Variants in CELSR1 observed in about 807,000 individuals in gnomAD.
CELSR1 encodes cadherin EGF LAG seven-pass G-type receptor 1, also known as adhesion G protein-coupled receptor C1.
Under a neutral mutation model 249.1 loss-of-function variants are expected in CELSR1, and 110 were observed. The observed-to-expected ratio is 0.44, with a 90% CI of 0.38 to 0.52. The LOEUF is 0.52. CELSR1 is among the 20% of genes least tolerant of loss of function. The probability of loss-of-function intolerance (pLI) is 0.00; values close to 1 mark genes in which losing one functional copy is unlikely to be tolerated. For missense variants in CELSR1, 4,109 were observed against 4,296.4 expected (o/e 0.96, Z 1.22); for synonymous variants, 2,113 against 1,900.0 (o/e 1.11, Z -2.92).
chr22:46,492,535 C>T (rs1225902216), intron 1 of CELSR1, among the ~76,000 whole-genome samples: 9 of 152,092 alleles, frequency 5.9e-5, no homozygotes, highest in Non-Finnish European at 1.5e-5. Context: ...TAGAAACAGG[C>T]TCTTGGGGCC....
chr22:46,432,459 G>T (rs535792332), intron 5 of CELSR1, among the ~76,000 whole-genome samples: 16 of 152,200 alleles, frequency 1.1e-4, no homozygotes, highest in African/African-American at 3.6e-4. Context: ...GGGCACAGCG[G>T]GGGTGGCCAG....
At chr22:46,486,015 G>A (rs2080309966) in intron 1 of CELSR1, among the ~76,000 whole-genome samples, 1 of 141,802 alleles carries the variant, frequency 7.1e-6, no homozygotes, top group African/African-American at 2.7e-5. Context: ...TCGGCTCACT[G>A]CAAGCTCCAC....
chr22:46,392,175 T>C (rs1302788991), intron 14 of CELSR1, among the ~76,000 whole-genome samples: 1 of 152,240 alleles, frequency 6.6e-6, no homozygotes, highest in Non-Finnish European at 1.5e-5. Context: ...TTTGAAAAAT[T>C]AGAAGCCACC....
intron 1 of CELSR1, among the ~76,000 whole-genome samples, chr22:46,480,124 T>A (rs6008861): frequency 0.041 from 6,309 of 152,206 alleles, 446 homozygotes; most frequent in African/African-American, 0.15. Flanking sequence ...ACAATCAAAA[T>A]CCCCTTCTCT....
rs1398507500 is a variant in CELSR1, at chr22:46,454,314, G to A, written c.4183+9393C>T. Among the ~76,000 whole-genome samples the A allele has an allele frequency of 2.0e-5, 3 of 152,166 alleles. No homozygotes were observed. Among genetic ancestry groups the A allele is most frequent in the Non-Finnish European group, 2.9e-5 (2 of 68,016 alleles). The stretch of plus-strand genomic sequence containing the variant: ...GAATCCGTGCTGCGTTAAGCCCCTC[G>A]TGTGTGGAAATGTTACAGCGGCCAC... On this transcript the variant is annotated intron_variant, in intron 2 of 34. Transcript: ENST00000674500. The surrounding 1 kb of genome is among the most constrained non-coding windows in gnomAD (Gnocchi z 5.1).
At chr22:46,503,031 A>AC (rs2080481728) in intron 1 of CELSR1, among the ~76,000 whole-genome samples, 3 of 151,640 alleles carry the variant, frequency 2.0e-5, no homozygotes, top group Non-Finnish European at 4.4e-5. Flanking sequence ...ACTCCAGGAC[A>AC]GCCCCCCTTC....
chr22:46,410,526 C>A lies in CELSR1; in HGVS notation c.4805G>T (p.Gly1602Val). 1 of 1,613,912 alleles carries A rather than the reference C, an allele frequency of 6.2e-7. No individual in the cohort carries two copies. The highest frequency in any genetic ancestry group is 8.5e-7 in the Non-Finnish European group (1 of 1,179,954). The change falls in exon 7 of 35, where the codon GGT (glycine) becomes GTT (valine). Residue 1602 changes from glycine (G) to valine (V), a missense_variant. Around this residue, in one of 7 missense-constraint regions of CELSR1, gnomAD observed 453 missense variants for 492.0 expected, o/e 0.92. Transcript: ENST00000674500. This position sits in a 1 kb window ranked among gnomAD's most constrained non-coding sequence, Gnocchi z 6.8. The part of the protein sequence containing the change: ...LDLTGPLLLG[G>V]VPNLPEDFPV... ...GAAGTCTTCTGGCAGGTTGGGGACA[C>A]CCCCCAGGAGTAGAGGGCCGGTCAG...
chr22:46,492,814 T>C (rs937437778), intron 1 of CELSR1, among the ~76,000 whole-genome samples: 5 of 152,058 alleles, frequency 3.3e-5, no homozygotes, highest in Non-Finnish European at 7.4e-5. Context: ...GCCAAGATCA[T>C]GCCACTGCAC....
intron 9 of CELSR1, among the ~76,000 whole-genome samples, chr22:46,405,132 T>A (rs1234404125): frequency 6.6e-6 from 1 of 150,742 alleles, no homozygotes; most frequent in African/African-American, 2.4e-5. Context: ...GCCTCCATTT[T>A]GTTTTCTTTT....
intron 3 of CELSR1, among the ~76,000 whole-genome samples, chr22:46,438,534 GC>G (rs1356322233): frequency 6.6e-6 from 1 of 152,208 alleles, no homozygotes; most frequent in Non-Finnish European, 1.5e-5. Context: ...TGATGGTTTA[GC>G]CACCGTCACA....
chr22:46,519,866 CT>C (rs2080667044), intron 1 of CELSR1, among the ~76,000 whole-genome samples: 2 of 148,012 alleles, frequency 1.4e-5, no homozygotes, highest in Admixed American at 1.4e-4. Context: ...GTACCTACCC[CT>C]ATTGCTTTTT....
chr22:46,524,075 TGACA>T (rs2080713082), intron 1 of CELSR1, among the ~76,000 whole-genome samples: 2 of 152,370 alleles, frequency 1.3e-5, no homozygotes, highest in South Asian at 2.1e-4. Flanking sequence ...GCCTCGCCAC[TGACA>T]GACAGAGGGG....
Position 46,408,919 on chromosome 22 carries a change from C to T in CELSR1, c.5226+77G>A. ...CGAGTAGCAGGTGCCCGAGTGTGCA[C>T]CAGGAAGCCCAGCGCCTGGGTCCCT... On this transcript the variant is annotated intron_variant, in intron 9 of 34. Coordinates refer to ENST00000674500, the MANE Select transcript of CELSR1 (RefSeq NM_001378328.1). This position sits in a 1 kb window ranked among gnomAD's most constrained non-coding sequence, Gnocchi z 4.6. The T allele has an allele frequency of 7.9e-7, 1 of 1,269,096 alleles. No homozygotes were observed. The allele number at this position is 1,269,096 out of a possible 1,614,324, so 78.6% of individuals were successfully genotyped here. A position where few individuals can be genotyped will look rare whatever the true frequency, so the allele number is the denominator to read the frequency against.
Position 46,361,969 on chromosome 22 carries a change from G to A in CELSR1, c.*1254C>T, listed in dbSNP as rs536403104. ...AACAGTTTGGTAACCGTTGAAGAGTGTGGCTGTGGCTTTGTCCCTCTGCAC... is the reference window on the plus strand; with the variant it reads ...AACAGTTTGGTAACCGTTGAAGAGTATGGCTGTGGCTTTGTCCCTCTGCAC... On this transcript the variant is annotated 3_prime_UTR_variant, in exon 35 of 35. Coordinates refer to ENST00000674500, the MANE Select transcript of CELSR1 (RefSeq NM_001378328.1). 2 of 152,382 alleles carry A rather than the reference G, an allele frequency of 1.3e-5. No individual in the cohort carries two copies. Among genetic ancestry groups the A allele is most frequent in the Admixed American group, 1.3e-4 (2 of 15,312 alleles). The allele number at this position is 152,382 out of a possible 1,614,324, so 9.4% of individuals were successfully genotyped here.
chr22:46,368,985 T>A, intron 27 of CELSR1, 194 bp downstream of exon 27: 55 of 373,300 alleles, frequency 1.5e-4, no homozygotes, highest in East Asian at 2.8e-4. Flanking sequence ...CCCCCTCCCC[T>A]CAGCTAACCT....
intron 18 of CELSR1, 69 bp downstream of exon 18, chr22:46,389,221 C>T (rs2079062200): frequency 3.3e-6 from 5 of 1,532,580 alleles, no homozygotes; most frequent in South Asian, 1.1e-5. Context: ...CCCAGCCCCA[C>T]AGCACCCACC....
In CELSR1 at chr22:46,534,348, G is replaced by T. The variant is rs2080826169; in HGVS notation, c.2823C>A (p.Phe941Leu). ...TCACACCGGACGTGGGCTCGATGTA[G>T]AAGTCCCCATCGCCGTCGTCCCCAC... is the stretch of plus-strand genomic sequence containing the variant. ...FQGGDDGDGD[F>L]YIEPTSGVIR... The change falls in exon 1 of 35, where the codon TTC becomes TTA. Residue 941 changes from phenylalanine (F) to leucine (L), a missense_variant. Physicochemically the swap from Phe to Leu is conservative, Grantham distance 22. This residue lies in a region of CELSR1 where 886 missense variants were observed against 896.5 expected (regional missense o/e 0.99). Transcript: ENST00000674500. The surrounding 1 kb of genome is among the most constrained non-coding windows in gnomAD (Gnocchi z 9.7). The T allele has an allele frequency of 1.9e-6, 3 of 1,613,006 alleles. No individual in the cohort carries two copies. The highest frequency in any genetic ancestry group is 2.5e-6 in the Non-Finnish European group (3 of 1,180,040).
At position 46,380,444 on chromosome 22, in the gene CELSR1, G is replaced by A. The variant is rs1056571497; in HGVS notation, c.7256+344C>T. On this transcript the variant is annotated intron_variant, in intron 22 of 34. Coordinates refer to ENST00000674500, the MANE Select transcript of CELSR1 (RefSeq NM_001378328.1). This position sits in a 1 kb window ranked among gnomAD's most constrained non-coding sequence, Gnocchi z 5.1. ...CCGGAATGGGCCTGTCTTATCCGGC[G>A]GTGAACTGGGCACTACACTAGTGTT... is the stretch of plus-strand genomic sequence containing the variant. 2.6e-5 allele frequency among the ~76,000 whole-genome samples: 4 copies of A among 152,218 alleles called. No homozygotes were observed. Among genetic ancestry groups the A allele is most frequent in the Non-Finnish European group, 4.4e-5 (3 of 68,040 alleles).
Position 46,518,596 on chromosome 22 carries a change from T to C in CELSR1, c.3544+15031A>G, listed in dbSNP as rs1408954235. 6.6e-6 allele frequency among the ~76,000 whole-genome samples: 1 copy of C among 152,108 alleles called. No homozygotes were observed. On this transcript the variant is annotated intron_variant, in intron 1 of 34. Transcript: ENST00000674500. The surrounding 1 kb of genome is among the most constrained non-coding windows in gnomAD (Gnocchi z 5.2). The stretch of plus-strand genomic sequence containing the variant: ...CTGTGGATGTGACCTAACTTGGAAA[T>C]AAAGGCTGCAGATGAAGATATAAAT...
Sources: allele counts gnomAD v4.1 joint callset (sites outside exome capture counted in the v4.1 genomes callset), GRCh38; gene constraint gnomAD v4.1.1; regional missense constraint gnomAD v4.1.1; non-coding constraint Gnocchi (gnomAD v3.1); transcripts MANE v1.5; gene names NCBI Gene and HGNC (gene_info 2026-07-23, HGNC 2026-07-21).